LRRC37A2: variants seen among roughly 807,000 people sequenced by gnomAD.
LRRC37A2 encodes the protein leucine rich repeat containing 37 member A2, also known as leucine-rich repeat-containing protein 37A2.
Under a neutral mutation model 68.8 loss-of-function variants are expected in LRRC37A2, and 9 were observed. The ratio of observed to expected loss-of-function variants is 0.13; its 90% CI spans 0.08 to 0.23. LRRC37A2 has a LOEUF of 0.23. Among genes scored for constraint, LRRC37A2 ranks in the 10% least tolerant of loss-of-function variants. LRRC37A2 has a pLI of 1.00. For missense variants in LRRC37A2, 168 were observed against 950.4 expected, an observed-to-expected ratio of 0.18 and a Z score of 10.82; for synonymous variants, 63 against 367.6, an observed-to-expected ratio of 0.17 and a Z score of 9.48.
chr17:46,826,634 C>G, the LRRC37A2 span, among the ~76,000 whole-genome samples: 1 of 152,202 alleles, frequency 6.6e-6, no homozygotes, highest in African/African-American at 2.4e-5. Context: ...CCTGCTTCAT[C>G]AACTGCAAAA....
At chr17:47,007,477 C>T in the LRRC37A2 span, among the ~76,000 whole-genome samples, 930 of 152,206 alleles carry the variant, frequency 6.1e-3, 18 homozygotes, top group African/African-American at 0.021. Flanking sequence ...TGCGCCTGGC[C>T]GCAAATATGA....
chr17:46,498,855 C>G, the LRRC37A2 span, among the ~76,000 whole-genome samples: 2 of 150,494 alleles, frequency 1.3e-5, 1 homozygote, highest in Admixed American at 1.3e-4. Context: ...TAAAACACTG[C>G]TGAGACTTTC....
At chr17:46,776,707 G>A in the LRRC37A2 span, among the ~76,000 whole-genome samples, 3 of 152,088 alleles carry the variant, frequency 2.0e-5, no homozygotes, top group Admixed American at 6.5e-5. Flanking sequence ...CAGACAACTC[G>A]GCCTTGCACC....
the LRRC37A2 span, chr17:46,755,270 A>G: frequency 2.9e-5 from 43 of 1,460,630 alleles, no homozygotes; most frequent in Non-Finnish European, 4.1e-5. Flanking sequence ...CAGAGTTGTT[A>G]GAAGGTACCA....
chr17:46,771,814 G>A, the LRRC37A2 span, among the ~76,000 whole-genome samples: 6 of 143,978 alleles, frequency 4.2e-5, no homozygotes, highest in East Asian at 1.0e-3. Flanking sequence ...TGTGAATGGC[G>A]CGGCGGCCGC....
the LRRC37A2 span, among the ~76,000 whole-genome samples, chr17:46,813,158 T>A: frequency 6.6e-6 from 1 of 151,852 alleles, no homozygotes; most frequent in Non-Finnish European, 1.5e-5. Context: ...GTGGACTGTC[T>A]AATACAGGCC....
At chr17:46,738,478 T>C in the LRRC37A2 span, among the ~76,000 whole-genome samples, 1 of 152,186 alleles carries the variant, frequency 6.6e-6, no homozygotes, top group South Asian at 2.1e-4. Context: ...AAGCAAAGTA[T>C]AATAAACTCT....
the LRRC37A2 span, among the ~76,000 whole-genome samples, chr17:46,707,982 G>C: frequency 6.6e-6 from 1 of 150,668 alleles, no homozygotes; most frequent in African/African-American, 2.4e-5. Flanking sequence ...GCAGTGAGCC[G>C]AGATTGTGCC....
the LRRC37A2 span, among the ~76,000 whole-genome samples, chr17:46,914,748 C>T: frequency 1.3e-5 from 2 of 151,948 alleles, no homozygotes; most frequent in Middle Eastern, 3.4e-3. Flanking sequence ...CCTGGGTCTA[C>T]CTATACCCAT....
chr17:47,035,803 C>G, the LRRC37A2 span, among the ~76,000 whole-genome samples: 6 of 152,158 alleles, frequency 3.9e-5, no homozygotes, highest in African/African-American at 1.4e-4. Flanking sequence ...TTCAATTTCC[C>G]CGGGTCTTTG....
At chr17:46,983,251 A>T in the LRRC37A2 span, among the ~76,000 whole-genome samples, 436 of 147,706 alleles carry the variant, frequency 3.0e-3, 2 homozygotes, top group South Asian at 5.2e-3. Context: ...GACCTAGCTA[A>T]CCACTCCTCC....
chr17:46,687,643 A>G, the LRRC37A2 span, among the ~76,000 whole-genome samples: 2 of 151,404 alleles, frequency 1.3e-5, no homozygotes, highest in African/African-American at 4.9e-5. Flanking sequence ...ACTCCTTTTC[A>G]TCCTAAAGCC....
the LRRC37A2 span, among the ~76,000 whole-genome samples, chr17:46,887,789 G>A: frequency 6.6e-6 from 1 of 151,680 alleles, no homozygotes; most frequent in Admixed American, 6.6e-5. Flanking sequence ...AAGAAAGAAA[G>A]AAATCTCTGA....
chr17:46,879,374 T>A, the LRRC37A2 span, among the ~76,000 whole-genome samples: 1 of 152,226 alleles, frequency 6.6e-6, no homozygotes, highest in African/African-American at 2.4e-5. Flanking sequence ...GTGGGCTCCA[T>A]CCAGACCCTC....
chr17:46,858,089 T>C, the LRRC37A2 span, among the ~76,000 whole-genome samples: 1 of 151,952 alleles, frequency 6.6e-6, no homozygotes, highest in East Asian at 1.9e-4. Context: ...GCCACCATGC[T>C]CGGCTAATTT....
At chr17:46,818,392 G>A in the LRRC37A2 span, 41 of 883,130 alleles carry the variant, frequency 4.6e-5, no homozygotes, top group East Asian at 1.1e-3. Context: ...GTGGGCGGGT[G>A]GGGGGCTGGA....
rs569871808 is a variant in LRRC37A2, at chr17:46,551,119, A to T, written c.4809+600A>T. 4.7e-5 allele frequency among the ~76,000 whole-genome samples: 7 copies of T among 149,626 alleles called. 2 individuals are homozygous for T. Among genetic ancestry groups the T allele is most frequent in the African/African-American group, 1.5e-4 (6 of 39,014 alleles). ...CATACTCTAGCCCTCCTGAGCCTAG[A>T]CCCTCTGTGAGATGTGTCACCATTT... On this transcript the variant is annotated intron_variant, in intron 11 of 14. Coordinates refer to ENST00000576629, the Ensembl canonical transcript of LRRC37A2.
chr17:46,867,314 C>T, the LRRC37A2 span, among the ~76,000 whole-genome samples: 3 of 152,224 alleles, frequency 2.0e-5, no homozygotes, highest in South Asian at 2.1e-4. Flanking sequence ...AGGTAAAGCA[C>T]CTTGCCTAAG....
chr17:46,708,824 T>TATATA, the LRRC37A2 span, among the ~76,000 whole-genome samples: 49 of 58,514 alleles, frequency 8.4e-4, no homozygotes, highest in South Asian at 2.8e-3. Context: ...ATATATATAT[T>TATATA]TTTTTTTTTT....
Sources: allele counts gnomAD v4.1 joint callset (sites outside exome capture counted in the v4.1 genomes callset), GRCh38; gene constraint gnomAD v4.1.1; transcripts MANE v1.5; gene names NCBI Gene and HGNC (gene_info 2026-07-23, HGNC 2026-07-21).